Variants in CRISP1 observed in about 807,000 individuals in gnomAD.
CRISP1 encodes the protein cysteine rich secretory protein 1.
A neutral mutation model predicts 33.1 loss-of-function variants in CRISP1; 44 were observed. The ratio of observed to expected loss-of-function variants is 1.33; its 90% confidence interval spans 1.05 to 1.71. The LOEUF is 1.71. Among genes scored for constraint, CRISP1 ranks in the 40% most tolerant of loss-of-function variants. The pLI is 0.00. For missense variants in CRISP1, 390 were observed against 301.2 expected (o/e 1.29, Z -2.18); for synonymous variants, 103 against 98.7 (o/e 1.04, Z -0.26).
chr6:49,838,320 C>T (rs756723991), intron 7 of CRISP1, 117 bp downstream of exon 7: 46 of 745,104 alleles, frequency 6.2e-5, no homozygotes, highest in South Asian at 5.3e-4. Flanking sequence ...ATAATTTGTA[C>T]ATGAATGAGA....
intron 3 of CRISP1, among the ~76,000 whole-genome samples, chr6:49,849,058 G>T (rs1771271234): frequency 6.6e-6 from 1 of 152,150 alleles, no homozygotes; most frequent in South Asian, 2.1e-4. Flanking sequence ...CTCTCAGTGT[G>T]CATCAACTGT....
At chr6:49,841,976 T>C (rs1771005474) in intron 5 of CRISP1, among the ~76,000 whole-genome samples, 1 of 152,206 alleles carries the variant, frequency 6.6e-6, no homozygotes, top group Non-Finnish European at 1.5e-5. Context: ...CCCTGCCTTA[T>C]GTGAGCCTGG....
At chr6:49,841,716 G>A (rs187637010) in intron 5 of CRISP1, among the ~76,000 whole-genome samples, 2 of 152,176 alleles carry the variant, frequency 1.3e-5, no homozygotes, top group East Asian at 1.9e-4. Context: ...TCAGTGAACA[G>A]GCATACTGTA....
chr6:49,868,250 T>C (rs1771844047), upstream of CRISP1, among the ~76,000 whole-genome samples: 1 of 152,228 alleles, frequency 6.6e-6, no homozygotes, highest in Admixed American at 6.5e-5. Context: ...GTTGGCTGTT[T>C]CTGTTCATAA....
chr6:49,835,389 T>C lies in CRISP1; in HGVS notation c.677A>G (p.Tyr226Cys). ...AGTTGTTGAGTGGTTGCATCCCAGA[T>C]AATGGACTTGTATGTCACAGTCGAA... ...EYFDCDIQVH[Y>C]LGCNHSTTIL... The change falls in exon 8 of 8, where the codon TAT becomes TGT. Residue 226 changes from tyrosine to cysteine, a missense_variant. Physicochemically the swap from Tyr to Cys is radical, Grantham distance 194. Transcript: ENST00000335847. The C allele has an allele frequency of 3.1e-6, 5 of 1,613,652 alleles. No homozygotes were observed. The highest frequency in any genetic ancestry group is 1.3e-5 in the African/African-American group (1 of 75,042).
rs149620728 is a variant in CRISP1 at position 49,849,194 on chromosome 6, C to A, written c.196-895G>T. Among the ~76,000 whole-genome samples the A allele has an allele frequency of 3.3e-5, 5 of 152,238 alleles. No homozygotes were observed. The East Asian group carries it at 9.7e-4, about 29-fold the overall frequency. On this transcript the variant is annotated intron_variant, in intron 3 of 7. Transcript: ENST00000335847. ...AATGATCTCCCTAACAGTCTCCTATCATTGTGGTGTATATGAAACTGCCCA... is the reference window on the plus strand; with the variant it reads ...AATGATCTCCCTAACAGTCTCCTATAATTGTGGTGTATATGAAACTGCCCA...
chr6:49,863,097 G>A (rs933048593), intron 1 of CRISP1, among the ~76,000 whole-genome samples: 4 of 152,136 alleles, frequency 2.6e-5, no homozygotes, highest in African/African-American at 9.6e-5. Context: ...AGGAAATAGA[G>A]CATTTGGCAA....
chr6:49,858,848 G>A (rs531071772), intron 1 of CRISP1, among the ~76,000 whole-genome samples: 1 of 152,074 alleles, frequency 6.6e-6, no homozygotes, highest in Non-Finnish European at 1.5e-5. Flanking sequence ...CTAGGCATCT[G>A]GCACTTGCCT....
At chr6:49,875,611 A>G (rs973432435) in intron 1 of CRISP1, among the ~76,000 whole-genome samples, 3 of 152,276 alleles carry the variant, frequency 2.0e-5, no homozygotes, top group South Asian at 4.1e-4. Flanking sequence ...AGCATAAAGA[A>G]CAAAGCTGGA....
chr6:49,835,411 C>A lies in CRISP1; in HGVS notation c.655G>T (p.Asp219Tyr). 6.2e-7 allele frequency: 1 copy of A among 1,613,494 alleles called. No homozygotes were observed. The highest frequency in any genetic ancestry group is 1.1e-5 in the South Asian group (1 of 91,030). Residue 219 changes from aspartate to tyrosine, a missense_variant, in exon 8 of 8, where the codon GAC (aspartate) becomes TAC (tyrosine). Coordinates refer to ENST00000335847, the MANE Select transcript of CRISP1 (RefSeq NM_001131.3). ...NPCIYYDEYF[D>Y]CDIQVHYLGC... ...AGATAATGGACTTGTATGTCACAGT[C>A]GAAGTATTCATCATAGTAGATGCAG...
chr6:49,849,094 A>G (rs1337396071), intron 3 of CRISP1, among the ~76,000 whole-genome samples: 6 of 152,144 alleles, frequency 3.9e-5, no homozygotes, highest in Admixed American at 3.9e-4. Context: ...TTGGTCAGGT[A>G]TGACTAAGTA....
At chr6:49,844,562 A>T (rs1771096219) in intron 5 of CRISP1, among the ~76,000 whole-genome samples, 1 of 152,092 alleles carries the variant, frequency 6.6e-6, no homozygotes, top group African/African-American at 2.4e-5. Context: ...GAGTCATTTG[A>T]TGAGGCTGCC....
At chr6:49,862,380 A>C (rs1455434290) in intron 1 of CRISP1, among the ~76,000 whole-genome samples, 1 of 142,956 alleles carries the variant, frequency 7.0e-6, no homozygotes, top group African/African-American at 2.5e-5. Context: ...AGACTTCTGA[A>C]AATACATAAT....
chr6:49,875,625 A>G (rs533389734), intron 1 of CRISP1, among the ~76,000 whole-genome samples: 1 of 152,302 alleles, frequency 6.6e-6, no homozygotes, highest in African/African-American at 2.4e-5. Flanking sequence ...AGCTGGAGGC[A>G]TCACTCTACC....
At chr6:49,871,380 T>G (rs1771919202), upstream of CRISP1, among the ~76,000 whole-genome samples, 1 of 152,116 alleles carries the variant, frequency 6.6e-6, no homozygotes, top group African/African-American at 2.4e-5. Flanking sequence ...AAATGGTCAC[T>G]CTACAGGGAA....
chr6:49,840,249 T>C (rs1358913169), intron 6 of CRISP1, among the ~76,000 whole-genome samples: 2 of 152,214 alleles, frequency 1.3e-5, no homozygotes, highest in African/African-American at 4.8e-5. Context: ...TCTTACTTGA[T>C]CTTGCTTCAT....
At chr6:49,845,707 C>CAAAAAAAAAAAAAAAAAAAAAA (rs111269611) in intron 5 of CRISP1, among the ~76,000 whole-genome samples, 1 of 145,394 alleles carries the variant, frequency 6.9e-6, no homozygotes. Context: ...TCACAATAGC[C>CAAAAAAAAAAAAAAAAAAAAAA]AAAAAAAAAA....
chr6:49,873,678 C>A (rs1230745818), intron 1 of CRISP1, among the ~76,000 whole-genome samples: 1 of 152,014 alleles, frequency 6.6e-6, no homozygotes, highest in Non-Finnish European at 1.5e-5. Flanking sequence ...ATTATTATTT[C>A]TTTCAAGATT....
rs537164989 is a variant in CRISP1 at position 49,847,024 on chromosome 6, A to G, written c.287-356T>C. Among the ~76,000 whole-genome samples the G allele has an allele frequency of 2.6e-5, 4 of 152,280 alleles. No individual in the cohort carries two copies. In the South Asian group the frequency reaches 8.3e-4, roughly 32 times the overall value. ...AAGGAAGCTACACACAGGTGTTCAT[A>G]ATACAAAGATGTTGAATAAACATTT... On this transcript the variant is annotated intron_variant, in intron 4 of 7. Coordinates refer to ENST00000335847, the MANE Select transcript of CRISP1 (RefSeq NM_001131.3).
Sources: gnomAD v4.1 joint callset for allele counts (sites outside exome capture counted in the v4.1 genomes callset) on GRCh38, gnomAD v4.1.1 for gene constraint, MANE v1.5 for transcripts, NCBI Gene and HGNC (gene_info 2026-07-23, HGNC 2026-07-21) for gene names.